Variants in RBBP5 observed in about 807,000 individuals in gnomAD.
The protein encoded by RBBP5 is RB binding protein 5, histone lysine methyltransferase complex subunit.
Under a neutral mutation model 72.2 loss-of-function variants are expected in RBBP5, and 5 were observed. The observed-to-expected ratio is 0.07, with a 90% CI of 0.04 to 0.15. The LOEUF (loss-of-function observed/expected upper bound fraction) is 0.15, where lower values mean the gene tolerates loss of function less well. Among genes scored for constraint, RBBP5 ranks in the 10% least tolerant of loss-of-function variants. The pLI, the probability that RBBP5 is intolerant of heterozygous loss-of-function variation, is 1.00. For missense variants in RBBP5, 322 were observed against 652.2 expected (o/e 0.49, Z 5.51); for synonymous variants, 209 against 237.2 (o/e 0.88, Z 1.09).
intron 4 of RBBP5, among the ~76,000 whole-genome samples, chr1:205,104,437 C>A (rs144614611): frequency 6.6e-6 from 1 of 152,060 alleles, no homozygotes; most frequent in Non-Finnish European, 1.5e-5. Flanking sequence ...GCAAGAGAAT[C>A]GCTTGAAAAC....
At chr1:205,092,472 G>T (rs1655388468) in intron 13 of RBBP5, among the ~76,000 whole-genome samples, 2 of 151,556 alleles carry the variant, frequency 1.3e-5, no homozygotes, top group Non-Finnish European at 1.5e-5. Flanking sequence ...TTTGAGACAG[G>T]GTCTCACTCT....
At chr1:205,096,202 A>C (rs910920383) in intron 12 of RBBP5, among the ~76,000 whole-genome samples, 1 of 152,060 alleles carries the variant, frequency 6.6e-6, no homozygotes, top group South Asian at 2.1e-4. Context: ...CAAAAAAATA[A>C]AATAAAATAA....
At chr1:205,118,564 G>A (rs1348327577) in intron 1 of RBBP5, among the ~76,000 whole-genome samples, 4 of 152,242 alleles carry the variant, frequency 2.6e-5, no homozygotes, top group Admixed American at 2.6e-4. Flanking sequence ...AATGAGCCAA[G>A]ATCGCCAAGA....
intron 3 of RBBP5, among the ~76,000 whole-genome samples, chr1:205,107,271 C>G (rs902957789): frequency 1.3e-4 from 19 of 151,942 alleles, no homozygotes; most frequent in African/African-American, 3.6e-4. Flanking sequence ...ACAAAACCTA[C>G]AGATTCAAGA....
At chr1:205,092,882 T>A (rs1359759491) in intron 13 of RBBP5, among the ~76,000 whole-genome samples, 2 of 152,240 alleles carry the variant, frequency 1.3e-5, no homozygotes, top group African/African-American at 4.8e-5. Flanking sequence ...TTTACCATAA[T>A]TTCCTTTTGA....
intron 3 of RBBP5, among the ~76,000 whole-genome samples, chr1:205,108,551 G>A (rs1417419248): frequency 6.6e-6 from 1 of 152,012 alleles, no homozygotes; most frequent in Non-Finnish European, 1.5e-5. Context: ...AAAGCAAAAT[G>A]GAATTCTAAA....
chr1:205,095,702 G>C lies in RBBP5; in HGVS notation c.1397-638C>G. ...CCCCACCACTTCTGTGAGACTTTAG[G>C]CAAGTTTACAGAACCTCTTACACAT... is the stretch of plus-strand genomic sequence containing the variant. On this transcript the variant is annotated intron_variant, in intron 12 of 13. Coordinates refer to ENST00000264515, the MANE Select transcript of RBBP5 (RefSeq NM_005057.4). Among the ~76,000 whole-genome samples the C allele has an allele frequency of 1.3e-5, 2 of 152,130 alleles. 1 individual carries two copies. The highest frequency in any genetic ancestry group is 2.9e-5 in the Non-Finnish European group (2 of 68,026).
At chr1:205,111,673 C>T (rs1428029404) in intron 3 of RBBP5, among the ~76,000 whole-genome samples, 1 of 152,194 alleles carries the variant, frequency 6.6e-6, no homozygotes, top group Non-Finnish European at 1.5e-5. Context: ...CAGCAGTTCT[C>T]CTATGTTCAC....
At chr1:205,107,946 C>CAAAAA (rs772446580) in intron 3 of RBBP5, among the ~76,000 whole-genome samples, 1 of 100,038 alleles carries the variant, frequency 1.0e-5, no homozygotes, top group Non-Finnish European at 1.9e-5. Flanking sequence ...AAATCTGTCT[C>CAAAAA]AAAAAAAAAA....
chr1:205,111,731 T>C (rs891893407), intron 3 of RBBP5, among the ~76,000 whole-genome samples: 10 of 152,236 alleles, frequency 6.6e-5, no homozygotes, highest in Admixed American at 6.5e-4. Flanking sequence ...TTTGAAGATC[T>C]TTCTAAAATA....
chr1:205,108,737 A>C (rs1302617157), intron 3 of RBBP5, among the ~76,000 whole-genome samples: 1 of 152,216 alleles, frequency 6.6e-6, no homozygotes, highest in Non-Finnish European at 1.5e-5. Context: ...CTCAAAAGTC[A>C]GACTTCTACT....
intron 3 of RBBP5, among the ~76,000 whole-genome samples, chr1:205,105,525 A>G (rs1039262475): frequency 6.6e-6 from 1 of 152,222 alleles, no homozygotes; most frequent in Non-Finnish European, 1.5e-5. Flanking sequence ...CCATCATGGT[A>G]TAAACAAAAC....
Position 205,087,554 on chromosome 1 carries a change from A to G in RBBP5, c.*1233T>C, listed in dbSNP as rs1457311357. On this transcript the variant is annotated 3_prime_UTR_variant, in exon 14 of 14. Coordinates refer to ENST00000264515, the MANE Select transcript of RBBP5 (RefSeq NM_005057.4). Reference sequence around the variant, plus strand: ...TTTAAATTCTCCTTTTAAAATATTGAAAAAAAAAAAAAAAAAAAAAAGACG... The same window carrying G: ...TTTAAATTCTCCTTTTAAAATATTGGAAAAAAAAAAAAAAAAAAAAAGACG... The G allele has an allele frequency of 1.1e-4, 7 of 65,774 alleles. 1 individual carries two copies. The South Asian group carries it at 1.5e-3, about 14-fold the overall frequency. The allele number at this position is 65,774 out of a possible 1,614,324, so 4.1% of individuals were successfully genotyped here. A position where few individuals can be genotyped will look rare whatever the true frequency, so the allele number is the denominator to read the frequency against.
chr1:205,115,811 C>A, intron 2 of RBBP5, 47 bp downstream of exon 2: 1 of 1,538,982 alleles, frequency 6.5e-7, no homozygotes, highest in Non-Finnish European at 8.7e-7. Flanking sequence ...ACATAAACAC[C>A]CAGAAGTTAC....
At chr1:205,105,608 G>A (rs193016799) in intron 3 of RBBP5, among the ~76,000 whole-genome samples, 1 of 152,198 alleles carries the variant, frequency 6.6e-6, no homozygotes, top group Non-Finnish European at 1.5e-5. Context: ...CTCCTGGTAA[G>A]TACAGATAAA....
rs945411598 is a variant in RBBP5, at chr1:205,101,698, T to C, written c.534A>G (p.Leu178=). 5.6e-6 allele frequency: 9 copies of C among 1,612,466 alleles called. No homozygotes were observed. The highest frequency in any genetic ancestry group is 7.6e-6 in the Non-Finnish European group (9 of 1,179,154). The change falls in exon 6 of 14, where the codon CTA becomes CTG. Residue 178 remains leucine (L), a synonymous_variant. Transcript: ENST00000264515. ...CAACAAGATCCTGAGAATCTGTTTT[T>C]AGGACCAAAATCTAAAGTTTAAAGG... ...TGNAKGKILV[L]KTDSQDLVAS...
In RBBP5 at chr1:205,105,047, G is replaced by C. The variant is rs1656001384; in HGVS notation, c.340C>G (p.Gln114Glu). The C allele has an allele frequency of 1.2e-6, 2 of 1,613,838 alleles. No individual in the cohort carries two copies. Among genetic ancestry groups the C allele is most frequent in the South Asian group, 1.1e-5 (1 of 91,084 alleles). Reference protein sequence around the residue: ...FRFPSPILKVQYHPRDQNKVL... With the variant: ...FRFPSPILKVEYHPRDQNKVL... Reference sequence around the variant, plus strand: ...ACATACTGATCTCGTGGATGATATTGGACTTTTAAGATGGGTGAAGGGAAT... The same window carrying C: ...ACATACTGATCTCGTGGATGATATTCGACTTTTAAGATGGGTGAAGGGAAT... The change falls in exon 4 of 14, where the codon CAA (glutamine) becomes GAA (glutamate). Residue 114 changes from glutamine (Q) to glutamate (E), a missense_variant. Gln to Glu is a conservative substitution (Grantham distance 29). Coordinates refer to ENST00000264515, the MANE Select transcript of RBBP5 (RefSeq NM_005057.4).
chr1:205,089,725 C>G (rs1655266598), intron 13 of RBBP5, among the ~76,000 whole-genome samples: 1 of 152,178 alleles, frequency 6.6e-6, no homozygotes, highest in South Asian at 2.1e-4. Context: ...GAATGTTATG[C>G]TGTTAAAAAT....
intron 1 of RBBP5, chr1:205,116,123 G>C (rs1021446532): frequency 1.5e-6 from 1 of 681,440 alleles, no homozygotes; most frequent in Non-Finnish European, 2.3e-6. Context: ...TATTGAAACA[G>C]AGTGAGGGCA....
Sources: allele counts gnomAD v4.1 joint callset (sites outside exome capture counted in the v4.1 genomes callset), GRCh38; gene constraint gnomAD v4.1.1; transcripts MANE v1.5; gene names NCBI Gene and HGNC (gene_info 2026-07-23, HGNC 2026-07-21).